HP1BP3: variants seen among roughly 807,000 people sequenced by gnomAD.
HP1BP3 encodes the protein heterochromatin protein 1 binding protein 3, also known as heterochromatin protein 1-binding protein 3.
HP1BP3 carries 12 observed loss-of-function variants against 62.5 expected under a neutral mutation model. The observed-to-expected ratio is 0.19, with a 90% confidence interval of 0.12 to 0.31. The LOEUF (loss-of-function observed/expected upper bound fraction) is 0.31. Among genes scored for constraint, HP1BP3 ranks in the 10% least tolerant of loss-of-function variants. HP1BP3 has a pLI of 1.00. For synonymous variants in HP1BP3, 260 were observed against 237.8 expected (o/e 1.09, Z -0.86); for missense variants, 502 against 651.8 (o/e 0.77, Z 2.50).
chr1:20,740,320 T>C lies in HP1BP3; in HGVS notation c.*4477A>G, dbSNP rs2055047975. On this transcript the variant is annotated 3_prime_UTR_variant, in exon 13 of 13. Coordinates refer to ENST00000438032, the MANE Select transcript of HP1BP3 (RefSeq NM_001372052.1). ...TGAACAGTGTTAATTATACATTATA[T>C]ACAATATCAGGAAAAAAAAGAGTTG... Among the ~76,000 whole-genome samples, 1 of 152,016 alleles carries C rather than the reference T, an allele frequency of 6.6e-6. No individual in the cohort carries two copies. The highest frequency in any genetic ancestry group is 2.1e-4 in the South Asian group (1 of 4,836).
Position 20,780,362 on chromosome 1 carries a change from C to T in HP1BP3, c.79G>A (p.Ala27Thr), listed in dbSNP as rs142958960. The change falls in exon 2 of 13, where the codon GCG becomes ACG. Residue 27 changes from alanine to threonine, a missense_variant. Around this residue, in one of 5 missense-constraint regions of HP1BP3, gnomAD observed 165 missense variants for 156.4 expected, o/e 1.05. Coordinates refer to ENST00000438032, the MANE Select transcript of HP1BP3 (RefSeq NM_001372052.1). ...GCCCCTACCTCACCTAACTTGTCCG[C>T]GTGGATCAGCTGAGCTCCTACTATA... Reference protein sequence around the residue: ...PLIVGAQLIHADKLGEKVEDS... With the variant: ...PLIVGAQLIHTDKLGEKVEDS... The T allele has an allele frequency of 1.6e-4, 264 of 1,613,172 alleles. No individual in the cohort carries two copies. Among genetic ancestry groups the T allele is most frequent in the Non-Finnish European group, 2.2e-4 (255 of 1,179,260 alleles).
In HP1BP3 at chr1:20,744,675, C is replaced by G. The variant is rs542762565; in HGVS notation, c.*122G>C. 1.3e-5 allele frequency: 12 copies of G among 950,388 alleles called. No individual in the cohort carries two copies. The South Asian group carries it at 1.7e-4, about 13-fold the overall frequency. 58.9% of individuals were successfully genotyped at this position (950,388 alleles called of 1,614,324 possible). The stretch of plus-strand genomic sequence containing the variant: ...AACTGGTTTATTTAGAGTCCCTCCC[C>G]ACAATGTTCATAGGGGAGGAAAATA... On this transcript the variant is annotated 3_prime_UTR_variant, in exon 13 of 13. Transcript: ENST00000438032.
rs2154539300 is a variant in HP1BP3, at chr1:20,742,805, CAT to C, written c.*1990_*1991del. On this transcript the variant is annotated 3_prime_UTR_variant, in exon 13 of 13. Transcript: ENST00000438032. ...CCAATGAATTCATGATGGGATCACA[CAT>C]GATTATGATCTAATTCAAGCCAATC... The C allele has an allele frequency of 6.5e-6, 1 of 152,742 alleles. No individual in the cohort carries two copies. The highest frequency in any genetic ancestry group is 2.4e-5 in the African/African-American group (1 of 41,556). 9.5% of individuals were successfully genotyped at this position (152,742 alleles called of 1,614,324 possible).
chr1:20,773,882 T>C (rs2154541122), intron 4 of HP1BP3: 1 of 246,830 alleles, frequency 4.1e-6, no homozygotes, highest in Non-Finnish European at 7.6e-6. Context: ...ATAAGACAAA[T>C]GAGAATTTTA....
At chr1:20,775,941 T>C in intron 4 of HP1BP3, 1 of 1,512,006 alleles carries the variant, frequency 6.6e-7, no homozygotes, top group Non-Finnish European at 8.8e-7. Context: ...ATGACTATAG[T>C]TAAAAGCAAT....
At chr1:20,760,181 C>T (rs2056384015) in intron 8 of HP1BP3, among the ~76,000 whole-genome samples, 1 of 152,116 alleles carries the variant, frequency 6.6e-6, no homozygotes, top group African/African-American at 2.4e-5. Flanking sequence ...GCCACCACAC[C>T]CAGCCCTACA....
intron 8 of HP1BP3, among the ~76,000 whole-genome samples, chr1:20,763,877 T>C (rs907210219): frequency 1.3e-4 from 20 of 152,236 alleles, no homozygotes; most frequent in Non-Finnish European, 1.6e-4. Flanking sequence ...ATGATGTATA[T>C]GTATGTACAT....
At chr1:20,781,252 T>C (rs2057531416) in intron 1 of HP1BP3, among the ~76,000 whole-genome samples, 1 of 152,118 alleles carries the variant, frequency 6.6e-6, no homozygotes. Flanking sequence ...TGACATTTTA[T>C]ACAAAAATTC....
In HP1BP3 at chr1:20,776,659, T is replaced by A; in HGVS notation, c.288A>T (p.Pro96=). 1 of 1,614,078 alleles carries A rather than the reference T, an allele frequency of 6.2e-7. No individual in the cohort carries two copies. Among genetic ancestry groups the A allele is most frequent in the Non-Finnish European group, 8.5e-7 (1 of 1,179,958 alleles). ...TCTCTTCATTCTCAGGTTCCCCCTT[T>A]GGCTGCTCTGCCTCACTCGAAGTAG... ...PPATSSEAEQ[P]KGEPENEEKE... Residue 96 remains proline, a synonymous_variant, in exon 4 of 13, where the codon CCA becomes CCT. Transcript: ENST00000438032.
chr1:20,779,692 C>T (rs1333900896), intron 3 of HP1BP3, 120 bp downstream of exon 3: 10 of 596,564 alleles, frequency 1.7e-5, no homozygotes, highest in Middle Eastern at 4.6e-4. Context: ...CTAAATGTTT[C>T]CCCAAAACAC....
In HP1BP3 at chr1:20,743,249, T is replaced by C. The variant is rs2055136948; in HGVS notation, c.*1548A>G. 6.6e-6 allele frequency: 1 copy of C among 152,598 alleles called. No individual in the cohort carries two copies. The highest frequency in any genetic ancestry group is 2.1e-4 in the South Asian group (1 of 4,834). The allele number at this position is 152,598 out of a possible 1,614,324, so 9.5% of individuals were successfully genotyped here. A position where few individuals can be genotyped will look rare whatever the true frequency, so the allele number is the denominator to read the frequency against. On this transcript the variant is annotated 3_prime_UTR_variant, in exon 13 of 13. Coordinates refer to ENST00000438032, the MANE Select transcript of HP1BP3 (RefSeq NM_001372052.1). Reference sequence around the variant, plus strand: ...AGTTTATTTTACCAAACTGTATATTTTTCCACTTAACATTTCTACATTAGC... The same window carrying C: ...AGTTTATTTTACCAAACTGTATATTCTTCCACTTAACATTTCTACATTAGC...
In HP1BP3 at chr1:20,740,733, G is replaced by C. The variant is rs1335309198; in HGVS notation, c.*4064C>G. ...TTGGGAGGCTGAGGTGGGGAGAACT[G>C]CTTGAGCACACGAGTTCAAAGCTGC... is the stretch of plus-strand genomic sequence containing the variant. On this transcript the variant is annotated 3_prime_UTR_variant, in exon 13 of 13. Transcript: ENST00000438032. 6.6e-6 allele frequency among the ~76,000 whole-genome samples: 1 copy of C among 152,194 alleles called. No individual in the cohort carries two copies. Among genetic ancestry groups the C allele is most frequent in the African/African-American group, 2.4e-5 (1 of 41,446 alleles).
At chr1:20,781,448 T>C (rs187256365) in intron 1 of HP1BP3, among the ~76,000 whole-genome samples, 26 of 152,234 alleles carry the variant, frequency 1.7e-4, no homozygotes, top group Admixed American at 6.5e-4. Flanking sequence ...ATCCGGAAGA[T>C]TGAAACAAAG....
intron 11 of HP1BP3, among the ~76,000 whole-genome samples, chr1:20,747,129 G>A (rs1447597995): frequency 6.6e-6 from 1 of 152,196 alleles, no homozygotes; most frequent in East Asian, 1.9e-4. Flanking sequence ...ATAATCTTAT[G>A]CCTGGCTAAA....
chr1:20,779,297 G>A (rs2057439426), intron 3 of HP1BP3, among the ~76,000 whole-genome samples: 1 of 152,134 alleles, frequency 6.6e-6, no homozygotes, highest in South Asian at 2.1e-4. Flanking sequence ...TGCCATAAAG[G>A]AGCATTAGTA....
At chr1:20,752,906 T>TA (rs1235290502) in intron 9 of HP1BP3, among the ~76,000 whole-genome samples, 2 of 152,110 alleles carry the variant, frequency 1.3e-5, no homozygotes, top group African/African-American at 2.4e-5. Flanking sequence ...GTGTAATTGT[T>TA]AAAGTTATGA....
intron 8 of HP1BP3, among the ~76,000 whole-genome samples, chr1:20,760,929 G>A (rs935563785): frequency 6.6e-6 from 1 of 152,188 alleles, no homozygotes; most frequent in Non-Finnish European, 1.5e-5. Flanking sequence ...TACTGAAAGG[G>A]AGCATGAAAA....
intron 8 of HP1BP3, among the ~76,000 whole-genome samples, 193 bp downstream of exon 8, chr1:20,765,184 A>C (rs2056717142): frequency 6.6e-6 from 1 of 151,490 alleles, no homozygotes; most frequent in African/African-American, 2.4e-5. Flanking sequence ...CTAAAAAAAA[A>C]AAAAAAAAAA....
intron 8 of HP1BP3, among the ~76,000 whole-genome samples, chr1:20,758,899 C>T (rs1267311689): frequency 5.3e-5 from 8 of 151,872 alleles, no homozygotes; most frequent in African/African-American, 1.2e-4. Context: ...GCGATCCTCC[C>T]GCTTCGGCCT....
Sources: allele counts gnomAD v4.1 joint callset (sites outside exome capture counted in the v4.1 genomes callset), GRCh38; gene constraint gnomAD v4.1.1; regional missense constraint gnomAD v4.1.1; transcripts MANE v1.5; gene names NCBI Gene and HGNC (gene_info 2026-07-23, HGNC 2026-07-21).